GALNTL6: variants seen among roughly 807,000 people sequenced by gnomAD.
GALNTL6 encodes the protein polypeptide N-acetylgalactosaminyltransferase-like 6.
In GALNTL6, 46 loss-of-function variants were observed where a neutral mutation model predicts 73.7. The ratio of observed to expected loss-of-function variants is 0.62; its 90% confidence interval spans 0.49 to 0.80. GALNTL6 has a LOEUF of 0.80. Ranked by LOEUF, GALNTL6 falls within the 30% of genes least tolerant of loss-of-function variation. GALNTL6 has a pLI of 0.00. For missense variants in GALNTL6, 604 were observed against 755.0 expected (o/e 0.80, Z 2.34); for synonymous variants, 259 against 263.7 (o/e 0.98, Z 0.17).
At chr4:172,384,572 T>A (rs2111289688) in intron 5 of GALNTL6, among the ~76,000 whole-genome samples, 1 of 152,236 alleles carries the variant, frequency 6.6e-6, no homozygotes, top group South Asian at 2.1e-4. Flanking sequence ...TTATTGTTTT[T>A]TTTTCTACTG....
intron 2 of GALNTL6, among the ~76,000 whole-genome samples, chr4:172,012,374 C>A (rs1395593104): frequency 6.6e-6 from 1 of 151,556 alleles, no homozygotes; most frequent in Non-Finnish European, 1.5e-5. Context: ...GCCACTGTGT[C>A]TCAAAGTAGT....
At chr4:172,713,174 C>T (rs1470225042) in intron 5 of GALNTL6, among the ~76,000 whole-genome samples, 2 of 151,514 alleles carry the variant, frequency 1.3e-5, no homozygotes, top group East Asian at 3.9e-4. Context: ...GTATCGGTCA[C>T]TCTTCTCCAG....
rs143156184 is a variant in GALNTL6 at position 172,733,539 on chromosome 4, T to C, written c.554-75822T>C. Reference sequence around the variant, plus strand: ...TGAATTGTAGCTCCCATAATCCCTATGTATGGTGAGAATGACCTAGTGGGA... The same window carrying C: ...TGAATTGTAGCTCCCATAATCCCTACGTATGGTGAGAATGACCTAGTGGGA... On this transcript the variant is annotated intron_variant, in intron 5 of 12. Transcript: ENST00000506823. Among the ~76,000 whole-genome samples the C allele has an allele frequency of 5.2e-3, 785 of 152,240 alleles. 2 individuals carry two copies. The highest frequency in any genetic ancestry group is 0.014 in the Middle Eastern group (4 of 294).
chr4:172,862,704 A>G (rs1177178041), intron 7 of GALNTL6, among the ~76,000 whole-genome samples: 2 of 101,162 alleles, frequency 2.0e-5, no homozygotes, highest in African/African-American at 5.1e-5. Context: ...CATCTCAAAA[A>G]AAAGAAAAAG....
At chr4:172,321,886 A>C (rs912189200) in intron 4 of GALNTL6, among the ~76,000 whole-genome samples, 2 of 152,216 alleles carry the variant, frequency 1.3e-5, no homozygotes, top group Non-Finnish European at 2.9e-5. Flanking sequence ...AGGGAAAGGC[A>C]GTCTTCTAAG....
chr4:172,865,538 G>A lies in GALNTL6; in HGVS notation c.924-17252G>A, dbSNP rs142648184. Among the ~76,000 whole-genome samples, 79 of 152,316 alleles carry A rather than the reference G, an allele frequency of 5.2e-4. 1 individual carries two copies. In the East Asian group the frequency reaches 0.011, roughly 21 times the overall value. On this transcript the variant is annotated intron_variant, in intron 7 of 12. Transcript: ENST00000506823. ...ATTTTATAGTAATCAGATAATATTA[G>A]ACGTTTGATTAATGAGGTGAACAAC...
chr4:172,452,560 T>C (rs941876891), intron 5 of GALNTL6, among the ~76,000 whole-genome samples: 6 of 152,202 alleles, frequency 3.9e-5, no homozygotes, highest in Non-Finnish European at 8.8e-5. Context: ...GAATATCTTT[T>C]GTGGATAAAA....
intron 5 of GALNTL6, among the ~76,000 whole-genome samples, chr4:172,399,347 A>G (rs1743959036): frequency 6.6e-6 from 1 of 152,056 alleles, no homozygotes. Context: ...TAAAATGTCT[A>G]TATTAATATT....
intron 2 of GALNTL6, among the ~76,000 whole-genome samples, chr4:172,058,309 A>G (rs189013836): frequency 1.3e-5 from 2 of 152,190 alleles, no homozygotes; most frequent in Admixed American, 6.6e-5. Flanking sequence ...AAATATTCTA[A>G]AAGTATTAAA....
chr4:172,063,815 T>G (rs1398443217), intron 2 of GALNTL6, among the ~76,000 whole-genome samples: 1 of 152,212 alleles, frequency 6.6e-6, no homozygotes, highest in Non-Finnish European at 1.5e-5. Flanking sequence ...CAAGACATTT[T>G]TTTAAATGTG....
chr4:172,186,649 A>T (rs769368799), intron 2 of GALNTL6, among the ~76,000 whole-genome samples: 1 of 152,046 alleles, frequency 6.6e-6, no homozygotes, highest in Non-Finnish European at 1.5e-5. Flanking sequence ...CCTCGAGGAC[A>T]TTTTGCTAGG....
intron 5 of GALNTL6, among the ~76,000 whole-genome samples, chr4:172,737,479 C>T (rs1250626681): frequency 6.6e-6 from 1 of 152,038 alleles, no homozygotes; most frequent in East Asian, 1.9e-4. Flanking sequence ...TTTATTATTT[C>T]AATTTTTTGC....
At chr4:172,733,004 C>CATACTCTGAGTTTGA (rs1243144348) in intron 5 of GALNTL6, among the ~76,000 whole-genome samples, 4 of 152,200 alleles carry the variant, frequency 2.6e-5, no homozygotes, top group Non-Finnish European at 5.9e-5. Flanking sequence ...ACCACAAATG[C>CATACTCTGAGTTTGA]ATACTCTGAG....
chr4:172,129,687 T>G (rs1458616535), intron 2 of GALNTL6, among the ~76,000 whole-genome samples: 3 of 152,138 alleles, frequency 2.0e-5, no homozygotes, highest in Non-Finnish European at 4.4e-5. Flanking sequence ...AAAGTAAATT[T>G]GACAGAAGAG....
intron 2 of GALNTL6, chr4:171,815,119 C>T (rs945183149): frequency 1.5e-5 from 4 of 259,336 alleles, no homozygotes; most frequent in Middle Eastern, 1.1e-3. Flanking sequence ...GTGAATTGGG[C>T]CAACTAAATC....
At chr4:171,871,786 T>C (rs1205654503) in intron 2 of GALNTL6, among the ~76,000 whole-genome samples, 2 of 152,312 alleles carry the variant, frequency 1.3e-5, no homozygotes, top group Non-Finnish European at 2.9e-5. Context: ...TCATCTGTTG[T>C]AACAATTACA....
chr4:171,938,169 A>C (rs1427891398), intron 2 of GALNTL6, among the ~76,000 whole-genome samples: 2 of 152,118 alleles, frequency 1.3e-5, no homozygotes, highest in South Asian at 4.1e-4. Flanking sequence ...ATGCTGTAGA[A>C]ATTTAACATT....
intron 5 of GALNTL6, among the ~76,000 whole-genome samples, chr4:172,701,746 C>A (rs1275494144): frequency 1.3e-5 from 2 of 151,856 alleles, no homozygotes; most frequent in Admixed American, 6.6e-5. Context: ...GGGTTCAGTA[C>A]CTTTATAGTT....
intron 5 of GALNTL6, among the ~76,000 whole-genome samples, chr4:172,599,849 A>C (rs1204465967): frequency 6.6e-6 from 1 of 152,132 alleles, no homozygotes; most frequent in African/African-American, 2.4e-5. Context: ...ATTGCTTATA[A>C]TGGATTCCCC....
Sources: gnomAD v4.1 joint callset for allele counts (sites outside exome capture counted in the v4.1 genomes callset) on GRCh38, gnomAD v4.1.1 for gene constraint, MANE v1.5 for transcripts, NCBI Gene and HGNC (gene_info 2026-07-23, HGNC 2026-07-21) for gene names.